LRP1B: variants seen among roughly 807,000 people sequenced by gnomAD.
LRP1B encodes LDL receptor related protein 1B.
LRP1B carries 217 observed loss-of-function variants against 556.6 expected under a neutral mutation model. The ratio of observed to expected loss-of-function variants is 0.39; its 90% CI spans 0.35 to 0.44. LRP1B has a LOEUF of 0.44. LRP1B is among the 20% of genes least tolerant of loss of function. The probability of loss-of-function intolerance (pLI) is 1.00; values close to 1 mark genes in which losing one functional copy is unlikely to be tolerated. For missense variants in LRP1B, 5,053 were observed against 5,620.8 expected, an observed-to-expected ratio of 0.90 and a Z score of 3.23; for synonymous variants, 2,047 against 1,865.8, an observed-to-expected ratio of 1.10 and a Z score of -2.50.
intron 1 of LRP1B, among the ~76,000 whole-genome samples, chr2:141,997,679 CT>C (rs200494531): frequency 7.6e-5 from 11 of 144,174 alleles, no homozygotes; most frequent in East Asian, 2.0e-4. Flanking sequence ...AGCCTTTATG[CT>C]TTTTTTTTCT....
At chr2:140,886,048 T>C (rs976488351) in intron 24 of LRP1B, 90 bp downstream of exon 24, 36 of 778,086 alleles carry the variant, frequency 4.6e-5, no homozygotes, top group Admixed American at 2.8e-4. Context: ...GGTCAAAGAA[T>C]AATCAAAATT....
intron 3 of LRP1B, among the ~76,000 whole-genome samples, chr2:141,472,586 G>C (rs932882359): frequency 6.6e-6 from 1 of 151,984 alleles, no homozygotes; most frequent in Non-Finnish European, 1.5e-5. Context: ...TGAAAATAGA[G>C]TATATTGCAG....
At chr2:141,352,546 T>C (rs1273289058) in intron 3 of LRP1B, among the ~76,000 whole-genome samples, 1 of 151,980 alleles carries the variant, frequency 6.6e-6, no homozygotes, top group Admixed American at 6.6e-5. Flanking sequence ...ATCTAACTGA[T>C]GGCTTTTATT....
chr2:141,600,233 T>G (rs1171207614), intron 2 of LRP1B, among the ~76,000 whole-genome samples: 1 of 152,140 alleles, frequency 6.6e-6, no homozygotes, highest in African/African-American at 2.4e-5. Flanking sequence ...TGAAATCACC[T>G]GGAGAGCTTT....
At chr2:141,594,349 G>T (rs1687443047) in intron 2 of LRP1B, among the ~76,000 whole-genome samples, 1 of 152,138 alleles carries the variant, frequency 6.6e-6, no homozygotes, top group African/African-American at 2.4e-5. Context: ...TGGTGAAAGA[G>T]ATAAGAATAG....
intron 2 of LRP1B, among the ~76,000 whole-genome samples, chr2:141,550,841 C>T (rs1685724651): frequency 1.3e-5 from 2 of 152,084 alleles, no homozygotes; most frequent in Admixed American, 1.3e-4. Flanking sequence ...TCCTCATCTA[C>T]TTTTCCCACT....
intron 1 of LRP1B, among the ~76,000 whole-genome samples, chr2:141,911,783 C>G (rs373736507): frequency 3.3e-5 from 5 of 152,078 alleles, no homozygotes; most frequent in African/African-American, 1.2e-4. Flanking sequence ...GATAGTAGCC[C>G]TGGTGCCTTA....
chr2:140,788,084 C>T (rs1035723062), intron 32 of LRP1B, among the ~76,000 whole-genome samples: 12 of 152,076 alleles, frequency 7.9e-5, no homozygotes, highest in Admixed American at 4.6e-4. Context: ...GTTACTTGGA[C>T]TTTAATATTA....
At chr2:141,672,841 C>T (rs889439271) in intron 2 of LRP1B, among the ~76,000 whole-genome samples, 4 of 152,088 alleles carry the variant, frequency 2.6e-5, no homozygotes, top group East Asian at 1.9e-4. Flanking sequence ...CCAATGCAAC[C>T]GGAGACATGA....
intron 71 of LRP1B, among the ~76,000 whole-genome samples, chr2:140,370,103 AAACT>A (rs761588599): frequency 6.6e-6 from 1 of 152,044 alleles, no homozygotes; most frequent in Non-Finnish European, 1.5e-5. Flanking sequence ...TGGTGGTTTA[AAACT>A]AAAATGTTGT....
chr2:140,744,945 G>A (rs115045046), intron 35 of LRP1B, among the ~76,000 whole-genome samples: 2,700 of 152,196 alleles, frequency 0.018, 77 homozygotes, highest in African/African-American at 0.062. Flanking sequence ...TTGAACCAAT[G>A]AAACTGGCTA....
intron 41 of LRP1B, among the ~76,000 whole-genome samples, chr2:140,625,589 C>A (rs1025013495): frequency 6.6e-6 from 1 of 152,156 alleles, no homozygotes; most frequent in Non-Finnish European, 1.5e-5. Context: ...ACAGACACCT[C>A]ATCAAACAAG....
intron 48 of LRP1B, 39 bp from the exon 49 acceptor site, chr2:140,526,032 T>A: frequency 6.2e-7 from 1 of 1,601,160 alleles, no homozygotes. Context: ...AGTACCTCAT[T>A]TTCAAAGATT....
At chr2:140,701,220 A>G (rs1686629236) in intron 40 of LRP1B, among the ~76,000 whole-genome samples, 1 of 152,118 alleles carries the variant, frequency 6.6e-6, no homozygotes, top group Non-Finnish European at 1.5e-5. Flanking sequence ...ATTTTAATGG[A>G]GGTAAACAAA....
At chr2:141,009,488 C>G (rs1207329201) in intron 14 of LRP1B, among the ~76,000 whole-genome samples, 1 of 151,730 alleles carries the variant, frequency 6.6e-6, no homozygotes, top group African/African-American at 2.4e-5. Flanking sequence ...GTGTGTGTAA[C>G]TATATTAAGA....
At chr2:140,794,828 G>A (rs1047462324) in intron 32 of LRP1B, among the ~76,000 whole-genome samples, 1 of 151,828 alleles carries the variant, frequency 6.6e-6, no homozygotes, top group Non-Finnish European at 1.5e-5. Context: ...GGTCAGGCTG[G>A]TCTCAAACTC....
intron 16 of LRP1B, among the ~76,000 whole-genome samples, chr2:140,990,328 A>G (rs1697054789): frequency 6.6e-6 from 1 of 152,176 alleles, no homozygotes; most frequent in African/African-American, 2.4e-5. Context: ...AATGTTAAAC[A>G]TAACAAGTAT....
In LRP1B at chr2:140,337,746, G is replaced by A. The variant is rs553460169; in HGVS notation, c.11893-1908C>T. Among the ~76,000 whole-genome samples, 9 of 151,872 alleles carry A rather than the reference G, an allele frequency of 5.9e-5. No individual in the cohort carries two copies. In the South Asian group the frequency reaches 1.9e-3, roughly 31 times the overall value. On this transcript the variant is annotated intron_variant, in intron 77 of 90. Transcript: ENST00000389484. Reference sequence around the variant, plus strand: ...TATTTTCTGTTTGTGAGATGTAAATGTTTACACCTTATTTTCAATCCTCAT... The same window carrying A: ...TATTTTCTGTTTGTGAGATGTAAATATTTACACCTTATTTTCAATCCTCAT...
intron 6 of LRP1B, among the ~76,000 whole-genome samples, chr2:141,221,479 G>A (rs1043053690): frequency 2.6e-5 from 4 of 152,064 alleles, no homozygotes; most frequent in African/African-American, 9.7e-5. Context: ...ACACCCCACT[G>A]TCAATATTAT....
Sources: allele counts gnomAD v4.1 joint callset (sites outside exome capture counted in the v4.1 genomes callset), GRCh38; gene constraint gnomAD v4.1.1; transcripts MANE v1.5; gene names NCBI Gene and HGNC (gene_info 2026-07-23, HGNC 2026-07-21).